Variants in CLCN7 observed in about 807,000 individuals in gnomAD.
CLCN7 encodes the protein Cl-/H+ antiporter 7.
Under a neutral mutation model 102.1 loss-of-function variants are expected in CLCN7, and 60 were observed. That is an observed-to-expected ratio of 0.59 (90% CI 0.48 to 0.73). The LOEUF (loss-of-function observed/expected upper bound fraction) is 0.73, where lower values mean the gene tolerates loss of function less well. Among genes scored for constraint, CLCN7 ranks in the 30% least tolerant of loss-of-function variants. The pLI is 0.00. For missense variants in CLCN7, 962 were observed against 1,125.7 expected, an observed-to-expected ratio of 0.85 and a Z score of 2.08; for synonymous variants, 560 against 490.5, an observed-to-expected ratio of 1.14 and a Z score of -1.87.
Position 1,448,605 on chromosome 16 carries a change from A to G in CLCN7, c.1883+76T>C. ...AACGCGGGGCTGCCTGGAGCCCGCAAGCCGTGCACCCTGCCCCTGTGCAAC... is the reference window on the plus strand; with the variant it reads ...AACGCGGGGCTGCCTGGAGCCCGCAGGCCGTGCACCCTGCCCCTGTGCAAC... On this transcript the variant is annotated intron_variant, in intron 20 of 24. Transcript: ENST00000382745. 23 of 1,602,556 alleles carry G rather than the reference A, an allele frequency of 1.4e-5. 1 individual carries two copies. The South Asian group carries it at 2.5e-4, about 18-fold the overall frequency.
Position 1,446,608 on chromosome 16 carries a change from C to A in CLCN7, c.*23G>T. 1 of 1,545,990 alleles carries A rather than the reference C, an allele frequency of 6.5e-7. No homozygotes were observed. The highest frequency in any genetic ancestry group is 8.8e-7 in the Non-Finnish European group (1 of 1,141,304). ...AAGGGCCGGGGTGCCAGCGCCAGTG[C>A]CCATTATGGGCAGGGCTGGGCCTCA... On this transcript the variant is annotated 3_prime_UTR_variant, in exon 25 of 25. Coordinates refer to ENST00000382745, the MANE Select transcript of CLCN7 (RefSeq NM_001287.6).
chr16:1,452,776 GC>G lies in CLCN7; in HGVS notation c.1331del (p.Gly444AlafsTer32). 1.2e-6 allele frequency: 2 copies of G among 1,604,618 alleles called. No individual in the cohort carries two copies. The highest frequency in any genetic ancestry group is 1.7e-6 in the Non-Finnish European group (2 of 1,176,224). Reference sequence around the variant, plus strand: ...CCACCTGCAGCGGGTAGGACATGGAGCCCCCCTGCAGGGGCTGGCAATCCCG... The same window carrying G: ...CCACCTGCAGCGGGTAGGACATGGAGCCCCCTGCAGGGGCTGGCAATCCCG... The part of the protein sequence containing the change: ...SSRDCQPLQG[G>X]SMSYPLQLFC... On this transcript the variant is annotated frameshift_variant, in exon 15 of 25. Coordinates refer to ENST00000382745, the MANE Select transcript of CLCN7 (RefSeq NM_001287.6). LOFTEE classifies it high-confidence loss of function.
rs996591044 is a variant in CLCN7 at position 1,446,595 on chromosome 16, G to A, written c.*36C>T. On this transcript the variant is annotated 3_prime_UTR_variant, in exon 25 of 25. Coordinates refer to ENST00000382745, the MANE Select transcript of CLCN7 (RefSeq NM_001287.6). ...GGAGGAAATGCAGAAGGGCCGGGGT[G>A]CCAGCGCCAGTGCCCATTATGGGCA... is the stretch of plus-strand genomic sequence containing the variant. 2 of 1,509,510 alleles carry A rather than the reference G, an allele frequency of 1.3e-6. No homozygotes were observed. The highest frequency in any genetic ancestry group is 1.8e-6 in the Non-Finnish European group (2 of 1,109,450). 93.5% of individuals were successfully genotyped at this position (1,509,510 alleles called of 1,614,324 possible).
chr16:1,448,773 G>A lies in CLCN7; in HGVS notation c.1798-7C>T. On this transcript the variant is annotated splice_region_variant and splice_polypyrimidine_tract_variant and intron_variant, in intron 19 of 24. Transcript: ENST00000382745. Reference sequence around the variant, plus strand: ...TGTGCATGTCGTACAGGCCCTGCGGGCGGGGCGGGAACACAGGGCTTGAGG... The same window carrying A: ...TGTGCATGTCGTACAGGCCCTGCGGACGGGGCGGGAACACAGGGCTTGAGG... 6.2e-7 allele frequency: 1 copy of A among 1,610,726 alleles called. No homozygotes were observed. Among genetic ancestry groups the A allele is most frequent in the African/African-American group, 1.3e-5 (1 of 75,036 alleles).
intron 17 of CLCN7, chr16:1,450,205 C>A: frequency 4.2e-6 from 2 of 474,842 alleles, no homozygotes; most frequent in East Asian, 3.9e-5. Context: ...TGCAGCAGCC[C>A]ACAATCACCT....
At chr16:1,453,447 A>G (rs538922642) in intron 14 of CLCN7, among the ~76,000 whole-genome samples, 1 of 152,320 alleles carries the variant, frequency 6.6e-6, no homozygotes, top group East Asian at 1.9e-4. Flanking sequence ...TGTACCCGAC[A>G]GTATTGAAAT....
At chr16:1,452,425 G>A (rs1447803318) in intron 15 of CLCN7, 3 of 388,384 alleles carry the variant, frequency 7.7e-6, no homozygotes, top group South Asian at 2.8e-5. Flanking sequence ...GTCCAGTTGT[G>A]GACGGAGGTT....
intron 2 of CLCN7, among the ~76,000 whole-genome samples, chr16:1,462,123 C>G (rs1393347945): frequency 6.6e-6 from 1 of 151,842 alleles, no homozygotes; most frequent in South Asian, 2.1e-4. Context: ...GACCAACACC[C>G]CTACAACCAC....
intron 1 of CLCN7, among the ~76,000 whole-genome samples, chr16:1,466,292 C>G (rs1352234836): frequency 1.3e-5 from 2 of 152,216 alleles, no homozygotes; most frequent in Non-Finnish European, 2.9e-5. Context: ...AACGCCGTCC[C>G]CTCCTCATCC....
intron 14 of CLCN7, 63 bp from the exon 15 acceptor site, chr16:1,452,956 A>G: frequency 1.3e-6 from 2 of 1,547,944 alleles, no homozygotes; most frequent in South Asian, 1.2e-5. Flanking sequence ...CGCAGGCCCC[A>G]TGGCAACTCG....
At chr16:1,461,715 G>A (rs778323149) in intron 2 of CLCN7, 41 bp from the exon 3 acceptor site, 3 of 1,556,566 alleles carry the variant, frequency 1.9e-6, no homozygotes, top group Admixed American at 1.7e-5. Context: ...CAGTTGACAA[G>A]GCCACAAGGA....
chr16:1,468,930 C>T (rs1045458036), intron 1 of CLCN7, among the ~76,000 whole-genome samples: 1 of 151,990 alleles, frequency 6.6e-6, no homozygotes, highest in African/African-American at 2.4e-5. Context: ...GTGGCTCACG[C>T]CTGTAATCCC....
At chr16:1,461,958 G>A (rs1332784094) in intron 2 of CLCN7, among the ~76,000 whole-genome samples, 8 of 151,916 alleles carry the variant, frequency 5.3e-5, no homozygotes, top group Non-Finnish European at 1.2e-4. Context: ...GGTGGTGGGC[G>A]CCTGTAATCC....
Position 1,448,486 on chromosome 16 carries a change from TGCCGGAGGAGCCCG to T in CLCN7, c.1884-16_1884-3del, listed in dbSNP as rs1221550607. 6.2e-7 allele frequency: 1 copy of T among 1,608,944 alleles called. No homozygotes were observed. Among genetic ancestry groups the T allele is most frequent in the South Asian group, 1.1e-5 (1 of 91,080 alleles). On this transcript the variant is annotated splice_region_variant and splice_polypyrimidine_tract_variant and intron_variant, in intron 20 of 24. Coordinates refer to ENST00000382745, the MANE Select transcript of CLCN7 (RefSeq NM_001287.6). ...GTCACTGGTGTGCTCATCACCTCCC[TGCCGGAGGAGCCCG>T]GCCACACATGCCCGTCACACGCCAC...
chr16:1,464,429 A>T (rs1281306189), intron 2 of CLCN7, among the ~76,000 whole-genome samples: 11 of 152,374 alleles, frequency 7.2e-5, no homozygotes, highest in Non-Finnish European at 2.9e-5. Context: ...GCCCACGGCC[A>T]CGAAACAGAT....
chr16:1,450,343 G>A (rs1490164587), intron 17 of CLCN7, 154 bp downstream of exon 17: 23 of 770,896 alleles, frequency 3.0e-5, no homozygotes, highest in South Asian at 2.1e-4. Context: ...CAACGCCCAC[G>A]GCCCGTGAAC....
At chr16:1,451,960 G>C (rs1227198896) in intron 15 of CLCN7, 1 of 509,618 alleles carries the variant, frequency 2.0e-6, no homozygotes, top group African/African-American at 1.9e-5. Flanking sequence ...AGGGGGCCGT[G>C]TCTAGCCCTG....
At chr16:1,467,667 C>G (rs947102070) in intron 1 of CLCN7, 12 of 152,458 alleles carry the variant, frequency 7.9e-5, no homozygotes, top group African/African-American at 2.7e-4. Flanking sequence ...CACGTCCAAA[C>G]AGGCACCCTG....
rs776979076 is a variant in CLCN7, at chr16:1,447,071, G to A, written c.2266C>T (p.Arg756Trp). Residue 756 changes from arginine to tryptophan, a missense_variant, in exon 24 of 25, where the codon CGG (arginine) becomes TGG (tryptophan). Physicochemically the swap from Arg to Trp is moderately radical, Grantham distance 101. This residue lies in a region of CLCN7 where 799 missense variants were observed against 988.0 expected (regional missense o/e 0.81). Transcript: ENST00000382745. Reference protein sequence around the residue: ...YTVPQEASLPRVFKLFRALGL... With the variant: ...YTVPQEASLPWVFKLFRALGL... Reference sequence around the variant, plus strand: ...AGGGCCCGGAACAGCTTGAACACCCGTGGGAGCGACGCCTCCTGCAGCAGG... The same window carrying A: ...AGGGCCCGGAACAGCTTGAACACCCATGGGAGCGACGCCTCCTGCAGCAGG... The A allele has an allele frequency of 4.4e-6, 7 of 1,600,296 alleles. No homozygotes were observed. The highest frequency in any genetic ancestry group is 3.4e-6 in the Non-Finnish European group (4 of 1,177,668).
Sources: gnomAD v4.1 joint callset for allele counts (sites outside exome capture counted in the v4.1 genomes callset) on GRCh38, gnomAD v4.1.1 for gene constraint, gnomAD v4.1.1 regional missense constraint, MANE v1.5 for transcripts, NCBI Gene and HGNC (gene_info 2026-07-23, HGNC 2026-07-21) for gene names.